Variants in TRMT1L observed in about 807,000 individuals in gnomAD.
The protein encoded by TRMT1L is tRNA (guanine(27)-N(2))-dimethyltransferase.
In TRMT1L, 28 loss-of-function variants were observed where a neutral mutation model predicts 81.6. That is an observed-to-expected ratio of 0.34 (90% CI 0.25 to 0.47). The LOEUF (loss-of-function observed/expected upper bound fraction) is 0.47, where lower values mean the gene tolerates loss of function less well. Among genes scored for constraint, TRMT1L ranks in the 20% least tolerant of loss-of-function variants. TRMT1L has a pLI of 1.00. For missense variants in TRMT1L, 739 were observed against 877.1 expected, an observed-to-expected ratio of 0.84 and a Z score of 1.99; for synonymous variants, 301 against 303.2, an observed-to-expected ratio of 0.99 and a Z score of 0.07.
At chr1:185,147,126 A>G in intron 4 of TRMT1L, 56 bp downstream of exon 4, 2 of 1,273,576 alleles carry the variant, frequency 1.6e-6, no homozygotes, top group Non-Finnish European at 2.2e-6. Flanking sequence ...AGTAAAAATT[A>G]TGCTTTCTTT....
intron 6 of TRMT1L, 122 bp from the exon 7 acceptor site, chr1:185,143,558 T>C: frequency 1.3e-6 from 1 of 763,960 alleles, no homozygotes; most frequent in Non-Finnish European, 2.0e-6. Flanking sequence ...AAAGGAGACC[T>C]GAAAACATAT....
At chr1:185,129,153 CA>C (rs145200456) in intron 10 of TRMT1L, among the ~76,000 whole-genome samples, 1,575 of 152,166 alleles carry the variant, frequency 0.01, 24 homozygotes, top group African/African-American at 0.036. Flanking sequence ...ATAAAGTTTA[CA>C]AGAGATCCAT....
intron 11 of TRMT1L, 84 bp downstream of exon 11, chr1:185,128,584 CT>C: frequency 7.8e-7 from 1 of 1,288,004 alleles, no homozygotes; most frequent in African/African-American, 1.5e-5. Context: ...TTAAATTTGT[CT>C]TTTACCACAC....
intron 3 of TRMT1L, 141 bp from the exon 4 acceptor site, chr1:185,147,387 G>A: frequency 1.6e-6 from 1 of 626,116 alleles, no homozygotes; most frequent in Non-Finnish European, 2.8e-6. Flanking sequence ...GATTGCTTTA[G>A]TTTATACAAT....
chr1:185,145,456 T>C lies in TRMT1L; in HGVS notation c.638A>G (p.Lys213Arg), dbSNP rs751468468. The change falls in exon 5 of 15, where the codon AAA becomes AGA. Residue 213 changes from lysine to arginine, a missense_variant. This residue lies in a region of TRMT1L where 331 missense variants were observed against 462.2 expected (regional missense o/e 0.72). Coordinates refer to ENST00000367506, the MANE Select transcript of TRMT1L (RefSeq NM_030934.5). ...CAACTTACCTGCAATATAACTAGAT[T>C]TAGTCTCTCCTTTATTCATGTGGCG... Reference protein sequence around the residue: ...VRRHMNKGETKSSYIAASTAK... With the variant: ...VRRHMNKGETRSSYIAASTAK... 2.7e-5 allele frequency: 44 copies of C among 1,610,822 alleles called. No homozygotes were observed. In the Middle Eastern group the frequency reaches 1.3e-3, roughly 48 times the overall value.
At chr1:185,120,687 A>G in intron 13 of TRMT1L, 178 bp from the exon 14 acceptor site, 1 of 504,264 alleles carries the variant, frequency 2.0e-6, no homozygotes, top group South Asian at 6.2e-5. Flanking sequence ...TTTTCATATT[A>G]AACTGCTGAA....
chr1:185,132,564 AAATAG>A (rs1188016116), intron 10 of TRMT1L, among the ~76,000 whole-genome samples: 4 of 151,558 alleles, frequency 2.6e-5, no homozygotes, highest in African/African-American at 4.8e-5. Context: ...ATAAATAAAT[AAATAG>A]AACTCAGAGA....
At chr1:185,125,297 G>A (rs1457367569) in intron 11 of TRMT1L, among the ~76,000 whole-genome samples, 187 bp from the exon 12 acceptor site, 1 of 151,548 alleles carries the variant, frequency 6.6e-6, no homozygotes, top group Admixed American at 6.6e-5. Flanking sequence ...ATTCTTTTTT[G>A]AGATAGAGTC....
intron 7 of TRMT1L, among the ~76,000 whole-genome samples, chr1:185,142,276 C>T (rs1047505938): frequency 2.6e-5 from 4 of 152,118 alleles, no homozygotes; most frequent in Non-Finnish European, 4.4e-5. Context: ...ACTATCAAAG[C>T]GATAAAGCTG....
At chr1:185,152,070 G>A (rs753424042) in intron 1 of TRMT1L, 135 bp from the exon 2 acceptor site, 1 of 476,666 alleles carries the variant, frequency 2.1e-6, no homozygotes, top group Non-Finnish European at 3.7e-6. Context: ...GCCACAACTC[G>A]GTTTATAAAA....
chr1:185,138,103 C>T lies in TRMT1L; in HGVS notation c.1323-307G>A, dbSNP rs1004904515. On this transcript the variant is annotated intron_variant, in intron 9 of 14. Coordinates refer to ENST00000367506, the MANE Select transcript of TRMT1L (RefSeq NM_030934.5). ...ACTTTGTTTCTTATCATCACCACCA[C>T]ATTGCTTCCTTTTTATCTATTTTAT... Among the ~76,000 whole-genome samples the T allele has an allele frequency of 9.9e-5, 15 of 152,176 alleles. 1 individual carries two copies. Among genetic ancestry groups the T allele is most frequent in the African/African-American group, 3.6e-4 (15 of 41,444 alleles).
chr1:185,147,900 T>A (rs1033758001), intron 3 of TRMT1L, among the ~76,000 whole-genome samples: 1 of 152,214 alleles, frequency 6.6e-6, no homozygotes, highest in African/African-American at 2.4e-5. Context: ...TAACTGATTA[T>A]CTAGTCAGCA....
At chr1:185,146,628 T>C (rs1310113917) in intron 4 of TRMT1L, among the ~76,000 whole-genome samples, 2 of 152,152 alleles carry the variant, frequency 1.3e-5, no homozygotes, top group South Asian at 2.1e-4. Context: ...TGGGAACTCA[T>C]TACGCCAATA....
At chr1:185,125,573 C>CT (rs1342384077) in intron 11 of TRMT1L, among the ~76,000 whole-genome samples, 1 of 151,942 alleles carries the variant, frequency 6.6e-6, no homozygotes, top group African/African-American at 2.4e-5. Flanking sequence ...TCTATTGAGG[C>CT]TGGGAAGGGG....
chr1:185,156,517 A>ACAGGGCCGGAGCCTGGGC lies in TRMT1L; in HGVS notation c.178_195dup (p.Ala60_Leu65dup), dbSNP rs775192635. ...TCAGGGGCAGAGGCTAGGGACGGGG[A>ACAGGGCCGGAGCCTGGGC]CAGGGCCGGAGCCTGGGCCAGGGCA... On this transcript the variant is annotated inframe_insertion, in exon 1 of 15. Coordinates refer to ENST00000367506, the MANE Select transcript of TRMT1L (RefSeq NM_030934.5). The ACAGGGCCGGAGCCTGGGC allele has an allele frequency of 9.3e-6, 15 of 1,613,444 alleles. No individual in the cohort carries two copies. Among genetic ancestry groups the ACAGGGCCGGAGCCTGGGC allele is most frequent in the Non-Finnish European group, 1.2e-5 (14 of 1,179,764 alleles).
rs575054250 is a variant in TRMT1L, at chr1:185,119,350, T to C, written c.*669A>G. 6.6e-6 allele frequency: 1 copy of C among 152,328 alleles called. No homozygotes were observed. The highest frequency in any genetic ancestry group is 2.1e-4 in the South Asian group (1 of 4,828). The allele number at this position is 152,328 out of a possible 1,614,324, so 9.4% of individuals were successfully genotyped here. ...ATGAACAAGTATTATATTAGATTAATGGTCTCAATTTATTCTGACAAAATC... is the reference window on the plus strand; with the variant it reads ...ATGAACAAGTATTATATTAGATTAACGGTCTCAATTTATTCTGACAAAATC... On this transcript the variant is annotated 3_prime_UTR_variant, in exon 15 of 15. Coordinates refer to ENST00000367506, the MANE Select transcript of TRMT1L (RefSeq NM_030934.5).
At chr1:185,123,596 CTTATT>C (rs1227779008) in intron 13 of TRMT1L, among the ~76,000 whole-genome samples, 1 of 151,908 alleles carries the variant, frequency 6.6e-6, no homozygotes, top group Non-Finnish European at 1.5e-5. Flanking sequence ...ATAATTTGAT[CTTATT>C]TTATTCACAT....
At chr1:185,155,302 C>G (rs187097403) in intron 1 of TRMT1L, among the ~76,000 whole-genome samples, 119 of 152,298 alleles carry the variant, frequency 7.8e-4, no homozygotes, top group African/African-American at 2.8e-3. Flanking sequence ...AGGTAGGAGG[C>G]TACTTAGGAG....
chr1:185,152,499 G>T (rs1402030522), intron 1 of TRMT1L, among the ~76,000 whole-genome samples: 1 of 152,204 alleles, frequency 6.6e-6, no homozygotes, highest in African/African-American at 2.4e-5. Context: ...TAAATTCTAC[G>T]CAAGTTAGTT....
Sources: allele counts gnomAD v4.1 joint callset (sites outside exome capture counted in the v4.1 genomes callset), GRCh38; gene constraint gnomAD v4.1.1; regional missense constraint gnomAD v4.1.1; transcripts MANE v1.5; gene names NCBI Gene and HGNC (gene_info 2026-07-23, HGNC 2026-07-21).